Variants in CCDC125 observed in about 807,000 individuals in gnomAD.
CCDC125 encodes the protein coiled-coil domain containing 125.
Under a neutral mutation model 57.4 loss-of-function variants are expected in CCDC125, and 43 were observed. That is an observed-to-expected ratio of 0.75 (90% CI 0.59 to 0.97). The LOEUF (loss-of-function observed/expected upper bound fraction) is 0.97, where lower values mean the gene tolerates loss of function less well. Among genes scored for constraint, CCDC125 ranks in the 50% least tolerant of loss-of-function variants. The pLI is 0.00. For synonymous variants in CCDC125, 187 were observed against 195.2 expected (o/e 0.96, Z 0.35); for missense variants, 563 against 595.7 (o/e 0.95, Z 0.57).
chr5:69,277,649 A>G (rs190691122), downstream of CCDC125, among the ~76,000 whole-genome samples: 5,600 of 152,092 alleles, frequency 0.037, 161 homozygotes, highest in Middle Eastern at 0.093. Context: ...GGGCGCCTGT[A>G]GTCCCAGCTA....
chr5:69,316,124 A>T (rs367895646), intron 2 of CCDC125, among the ~76,000 whole-genome samples: 3 of 152,216 alleles, frequency 2.0e-5, no homozygotes, highest in African/African-American at 7.2e-5. Flanking sequence ...ACTGTGATTG[A>T]TGATACAGGC....
chr5:69,299,375 C>G (rs918899538), intron 8 of CCDC125, among the ~76,000 whole-genome samples: 6 of 152,184 alleles, frequency 3.9e-5, no homozygotes, highest in African/African-American at 1.4e-4. Flanking sequence ...TCCCAAAGCG[C>G]TGGGATTACA....
chr5:69,305,245 G>C (rs145837641), intron 6 of CCDC125, among the ~76,000 whole-genome samples: 1 of 151,770 alleles, frequency 6.6e-6, no homozygotes, highest in South Asian at 2.1e-4. Flanking sequence ...ACAAGGTCTC[G>C]CTCTGTCATC....
intron 9 of CCDC125, among the ~76,000 whole-genome samples, chr5:69,292,660 A>T (rs1754644253): frequency 6.6e-6 from 1 of 152,102 alleles, no homozygotes; most frequent in Middle Eastern, 3.4e-3. Flanking sequence ...CCTGGGACAA[A>T]GGGCCCAGCA....
intron 6 of CCDC125, 34 bp from the exon 7 acceptor site, chr5:69,303,963 T>C (rs1198748196): frequency 1.7e-6 from 2 of 1,184,746 alleles, no homozygotes; most frequent in African/African-American, 1.5e-5. Flanking sequence ...AACTAAAACA[T>C]TAATATTTCC....
At chr5:69,275,314 A>G (rs1050067502), downstream of CCDC125, among the ~76,000 whole-genome samples, 2 of 152,158 alleles carry the variant, frequency 1.3e-5, no homozygotes, top group Non-Finnish European at 2.9e-5. Context: ...ATTGGTTCCA[A>G]CCTACTGTAT....
chr5:69,313,475 G>T, intron 3 of CCDC125: 1 of 1,133,478 alleles, frequency 8.8e-7, no homozygotes, highest in Non-Finnish European at 1.3e-6. Flanking sequence ...TGTAATTCTT[G>T]CTTGATTCCT....
At chr5:69,274,156 A>G in the CCDC125 span, among the ~76,000 whole-genome samples, 4 of 152,338 alleles carry the variant, frequency 2.6e-5, no homozygotes, top group African/African-American at 9.6e-5. Context: ...GTATAGTTTG[A>G]AACTTAACAG....
At chr5:69,285,853 AG>A (rs1305426913) in intron 10 of CCDC125, among the ~76,000 whole-genome samples, 1 of 152,154 alleles carries the variant, frequency 6.6e-6, no homozygotes, top group Non-Finnish European at 1.5e-5. Context: ...TGCAGGCCAC[AG>A]GGGGCCTCTG....
intron 5 of CCDC125, among the ~76,000 whole-genome samples, chr5:69,307,488 C>T (rs1357183101): frequency 6.6e-6 from 1 of 152,066 alleles, no homozygotes; most frequent in Admixed American, 6.6e-5. Context: ...CGAGACCATT[C>T]TGGTTAACAT....
In CCDC125 at chr5:69,281,624, GTTAAC is replaced by G. The variant is rs918308778; in HGVS notation, c.*1100_*1104del. ...CCACCATCAAAACTGTCTTATTGAA[GTTAAC>G]TTAAGGAAATTGTTATTTCTAAACT... On this transcript the variant is annotated 3_prime_UTR_variant, in exon 12 of 12. Coordinates refer to ENST00000396496, the MANE Select transcript of CCDC125 (RefSeq NM_176816.5). The G allele has an allele frequency of 6.6e-6, 1 of 152,118 alleles. No individual in the cohort carries two copies. Among genetic ancestry groups the G allele is most frequent in the East Asian group, 1.9e-4 (1 of 5,200 alleles). The allele number at this position is 152,118 out of a possible 1,614,324, so 9.4% of individuals were successfully genotyped here.
intron 10 of CCDC125, among the ~76,000 whole-genome samples, chr5:69,288,727 T>G (rs1244304504): frequency 6.6e-6 from 1 of 152,196 alleles, no homozygotes. Context: ...CAGAGACAAC[T>G]CTGTGCTTTT....
intron 7 of CCDC125, among the ~76,000 whole-genome samples, chr5:69,300,968 T>G (rs1255345550): frequency 7.0e-6 from 1 of 142,670 alleles, no homozygotes; most frequent in East Asian, 2.5e-4. Context: ...CATAGCTCAC[T>G]GCAACTTCAA....
At chr5:69,296,083 C>T (rs979301240) in intron 8 of CCDC125, among the ~76,000 whole-genome samples, 27 of 151,782 alleles carry the variant, frequency 1.8e-4, no homozygotes, top group South Asian at 1.0e-3. Context: ...AGAGTTTCAC[C>T]GTGCTAGCCA....
In CCDC125 at chr5:69,300,104, C is replaced by T; in HGVS notation, c.724G>A (p.Ala242Thr). Reference protein sequence around the residue: ...NAVLNQRYLEALAMLDIKQQK... With the variant: ...NAVLNQRYLETLAMLDIKQQK... The stretch of plus-strand genomic sequence containing the variant: ...TGTTTGATATCAAGCATGGCGAGGG[C>T]CTCCAAATACCGTTGATTCAAAACT... The change falls in exon 8 of 12, where the codon GCC becomes ACC. Residue 242 changes from alanine (A) to threonine (T), a missense_variant. Coordinates refer to ENST00000396496, the MANE Select transcript of CCDC125 (RefSeq NM_176816.5). 6.2e-7 allele frequency: 1 copy of T among 1,614,014 alleles called. No individual in the cohort carries two copies. Among genetic ancestry groups the T allele is most frequent in the South Asian group, 1.1e-5 (1 of 91,082 alleles).
At chr5:69,275,064 C>CA in the CCDC125 span, among the ~76,000 whole-genome samples, 4,555 of 106,976 alleles carry the variant, frequency 0.043, 176 homozygotes, top group African/African-American at 0.11. Flanking sequence ...ACTCTGTATC[C>CA]AAAAAAAAAA....
chr5:69,285,659 G>A (rs1228262581), intron 10 of CCDC125, among the ~76,000 whole-genome samples, 192 bp from the exon 11 acceptor site: 2 of 152,178 alleles, frequency 1.3e-5, no homozygotes, highest in African/African-American at 2.4e-5. Flanking sequence ...CCTGCCATGC[G>A]GCACAGCCAC....
intron 2 of CCDC125, among the ~76,000 whole-genome samples, chr5:69,318,820 A>T (rs1259130545): frequency 6.6e-6 from 1 of 152,002 alleles, no homozygotes; most frequent in Non-Finnish European, 1.5e-5. Flanking sequence ...ACCTCCTTAC[A>T]GAAGCCTTCC....
At chr5:69,286,006 A>G (rs2150303322) in intron 10 of CCDC125, among the ~76,000 whole-genome samples, 1 of 151,812 alleles carries the variant, frequency 6.6e-6, no homozygotes, top group Admixed American at 6.6e-5. Flanking sequence ...CCTTCTTCTC[A>G]GGGAACTGTG....
Sources: allele counts gnomAD v4.1 joint callset (sites outside exome capture counted in the v4.1 genomes callset), GRCh38; gene constraint gnomAD v4.1.1; transcripts MANE v1.5; gene names NCBI Gene and HGNC (gene_info 2026-07-23, HGNC 2026-07-21).